SLTM: variants seen among roughly 807,000 people sequenced by gnomAD.
SLTM encodes SAFB-like transcription modulator.
A neutral mutation model predicts 134.6 loss-of-function variants in SLTM; 43 were observed. The ratio of observed to expected loss-of-function variants is 0.32; its 90% CI spans 0.25 to 0.41. SLTM has a LOEUF of 0.41. Among genes scored for constraint, SLTM ranks in the 10% least tolerant of loss-of-function variants. SLTM has a pLI of 1.00. For synonymous variants in SLTM, 424 were observed against 432.3 expected (o/e 0.98, Z 0.24); for missense variants, 1,055 against 1,288.8 (o/e 0.82, Z 2.78).
intron 5 of SLTM, among the ~76,000 whole-genome samples, chr15:58,903,147 G>A (rs893575671): frequency 6.6e-6 from 1 of 151,892 alleles, no homozygotes; most frequent in Non-Finnish European, 1.5e-5. Context: ...TGATCCACCC[G>A]CCTCAGCCTC....
intron 18 of SLTM, 39 bp downstream of exon 18, chr15:58,887,187 A>G: frequency 6.2e-7 from 1 of 1,612,006 alleles, no homozygotes; most frequent in East Asian, 2.2e-5. Flanking sequence ...ACCCCAATGC[A>G]TGAGACCACT....
At chr15:58,913,385 G>C in intron 4 of SLTM, 114 bp downstream of exon 4, 1 of 863,832 alleles carries the variant, frequency 1.2e-6, no homozygotes, top group South Asian at 2.1e-5. Flanking sequence ...AGTAGCTTTA[G>C]TAACACATCT....
intron 3 of SLTM, among the ~76,000 whole-genome samples, chr15:58,915,807 A>T (rs1179497788): frequency 1.3e-5 from 2 of 152,104 alleles, no homozygotes; most frequent in Non-Finnish European, 2.9e-5. Context: ...AAACACAAAC[A>T]TCGAGAGACA....
intron 2 of SLTM, among the ~76,000 whole-genome samples, chr15:58,925,020 T>G (rs1306371915): frequency 1.3e-5 from 2 of 149,292 alleles, no homozygotes; most frequent in African/African-American, 5.0e-5. Flanking sequence ...CAAAATACTT[T>G]ATGGCTGAGT....
chr15:58,932,173 C>G, intron 2 of SLTM, 183 bp downstream of exon 2: 1 of 545,896 alleles, frequency 1.8e-6, no homozygotes, highest in Non-Finnish European at 3.3e-6. Context: ...TCAGCCGAAT[C>G]TTAAGGGCTA....
At chr15:58,891,514 G>A (rs879481781) in intron 14 of SLTM, among the ~76,000 whole-genome samples, 3 of 152,046 alleles carry the variant, frequency 2.0e-5, no homozygotes, top group East Asian at 3.9e-4. Flanking sequence ...ACTTTCTTGC[G>A]ACTTTTACCA....
rs1208229610 is a variant in SLTM at position 58,883,763 on chromosome 15, C to T, written c.2859G>A (p.Val953=). The T allele has an allele frequency of 6.2e-7, 1 of 1,614,056 alleles. No homozygotes were observed. The highest frequency in any genetic ancestry group is 8.5e-7 in the Non-Finnish European group (1 of 1,180,032). The change falls in exon 20 of 21, where the codon GTG becomes GTA. Residue 953 remains valine, a synonymous_variant. Transcript: ENST00000380516. ...TTGTGTCCCGTCCATGGCGTTCAAC[C>T]ACATGTCGCTCCTCAGGATAGTGCT... is the stretch of plus-strand genomic sequence containing the variant. The part of the protein sequence containing the change: ...GSQHYPEERH[V]VERHGRDTSG...
At chr15:58,880,132 AC>A in intron 20 of SLTM, 25 bp from the exon 21 acceptor site, 1 of 1,607,424 alleles carries the variant, frequency 6.2e-7, no homozygotes, top group Non-Finnish European at 8.5e-7. Flanking sequence ...AAAGAAAAAA[AC>A]ATCAGAGAAC....
At chr15:58,920,689 C>G (rs1431447424) in intron 2 of SLTM, among the ~76,000 whole-genome samples, 1 of 151,006 alleles carries the variant, frequency 6.6e-6, no homozygotes, top group East Asian at 1.9e-4. Context: ...GGCGTGGTGG[C>G]TCACACCTGT....
intron 3 of SLTM, among the ~76,000 whole-genome samples, chr15:58,915,610 A>G (rs2036579856): frequency 1.3e-5 from 2 of 152,148 alleles, no homozygotes; most frequent in South Asian, 2.1e-4. Flanking sequence ...CAGGCATGCA[A>G]TCATCAATTT....
Position 58,889,538 on chromosome 15 carries a change from G to C in SLTM, c.2096C>G (p.Ala699Gly). 6.2e-7 allele frequency: 1 copy of C among 1,613,998 alleles called. No individual in the cohort carries two copies. The highest frequency in any genetic ancestry group is 8.5e-7 in the Non-Finnish European group (1 of 1,179,892). Reference sequence around the variant, plus strand: ...CTCTCTTTCTCGAGCAATCCGTTCAGCTTCCTTACGACGTTCCTTCAGACA... The same window carrying C: ...CTCTCTTTCTCGAGCAATCCGTTCACCTTCCTTACGACGTTCCTTCAGACA... ...IRIEQERRKE[A>G]ERIAREREEL... The change falls in exon 16 of 21, where the codon GCT (alanine) becomes GGT (glycine). Residue 699 changes from alanine (A) to glycine (G), a missense_variant. This residue lies in a region of SLTM where 776 missense variants were observed against 962.2 expected (regional missense o/e 0.81). Transcript: ENST00000380516.
chr15:58,917,377 C>T (rs1485078453), intron 2 of SLTM, among the ~76,000 whole-genome samples: 1 of 152,152 alleles, frequency 6.6e-6, no homozygotes, highest in African/African-American at 2.4e-5. Flanking sequence ...AAGATCTGTA[C>T]CTCCCACAAA....
chr15:58,917,165 G>C, intron 2 of SLTM, 166 bp from the exon 3 acceptor site: 1 of 594,496 alleles, frequency 1.7e-6, no homozygotes, highest in Non-Finnish European at 2.9e-6. Flanking sequence ...AACAAAAAAA[G>C]CTTTCCTATG....
intron 2 of SLTM, among the ~76,000 whole-genome samples, chr15:58,920,836 T>A (rs764693400): frequency 6.6e-5 from 10 of 151,502 alleles, no homozygotes; most frequent in Non-Finnish European, 1.0e-4. Context: ...GCGCCTGTAA[T>A]CCCAGCTACT....
intron 5 of SLTM, among the ~76,000 whole-genome samples, chr15:58,912,341 C>T (rs551110832): frequency 3.5e-3 from 530 of 152,190 alleles, no homozygotes; most frequent in African/African-American, 8.0e-3. Flanking sequence ...CCTCGTGAAC[C>T]GCCCGCCTCG....
intron 5 of SLTM, among the ~76,000 whole-genome samples, chr15:58,907,317 T>G (rs978682952): frequency 4.6e-5 from 7 of 152,050 alleles, no homozygotes; most frequent in African/African-American, 1.7e-4. Flanking sequence ...TAGAGGAAAT[T>G]TTTAAGAATA....
chr15:58,933,649 GCCGCCGGCGC>G lies in SLTM; in HGVS notation c.-94_-85del. The G allele has an allele frequency of 7.3e-7, 1 of 1,372,826 alleles. No individual in the cohort carries two copies. The highest frequency in any genetic ancestry group is 9.4e-7 in the Non-Finnish European group (1 of 1,067,872). The allele number at this position is 1,372,826 out of a possible 1,614,324, so 85.0% of individuals were successfully genotyped here. ...GCCAACTTCCACCCAGGCCTCGGCGGCCGCCGGCGCCGCGCAGCGCTGCGCACAATGAGCC... is the reference window on the plus strand; with the variant it reads ...GCCAACTTCCACCCAGGCCTCGGCGGCGCGCAGCGCTGCGCACAATGAGCC... On this transcript the variant is annotated 5_prime_UTR_variant, in exon 1 of 21. Transcript: ENST00000380516.
intron 2 of SLTM, among the ~76,000 whole-genome samples, chr15:58,919,944 C>G (rs1385049154): frequency 6.6e-6 from 1 of 152,144 alleles, no homozygotes; most frequent in Non-Finnish European, 1.5e-5. Flanking sequence ...CGTGACCAAT[C>G]TTGTCCTGCC....
At chr15:58,908,639 G>A (rs768456462) in intron 5 of SLTM, among the ~76,000 whole-genome samples, 20 of 152,054 alleles carry the variant, frequency 1.3e-4, no homozygotes, top group Non-Finnish European at 2.4e-4. Context: ...AAAGTGCTGT[G>A]ATTACAGGCA....
Sources: allele counts gnomAD v4.1 joint callset (sites outside exome capture counted in the v4.1 genomes callset), GRCh38; gene constraint gnomAD v4.1.1; regional missense constraint gnomAD v4.1.1; transcripts MANE v1.5; gene names NCBI Gene and HGNC (gene_info 2026-07-23, HGNC 2026-07-21).